Variants in ZNF771 observed in about 807,000 individuals in gnomAD.
The protein encoded by ZNF771 is mesenchymal stem cell protein DSC43.
Under a neutral mutation model 27.6 loss-of-function variants are expected in ZNF771, and 10 were observed. That is an observed-to-expected ratio of 0.36 (90% CI 0.22 to 0.61). ZNF771 has a LOEUF of 0.61. Ranked by LOEUF, ZNF771 falls within the 20% of genes least tolerant of loss-of-function variation. The pLI, the probability that ZNF771 is intolerant of heterozygous loss-of-function variation, is 0.70. For synonymous variants in ZNF771, 261 were observed against 225.2 expected (o/e 1.16, Z -1.43); for missense variants, 438 against 503.7 (o/e 0.87, Z 1.25).
At chr16:30,407,992 G>GGT (rs1772307789) in intron 1 of ZNF771, 53 bp from the exon 2 acceptor site, 3 of 908,980 alleles carry the variant, frequency 3.3e-6, no homozygotes, top group East Asian at 3.9e-5. Context: ...GTGGGCGGGG[G>GGT]GGGGGGTGGG....
intron 2 of ZNF771, chr16:30,414,475 A>T (rs1382047227): frequency 6.6e-6 from 1 of 152,170 alleles, no homozygotes; most frequent in Non-Finnish European, 1.5e-5. Context: ...TTTCTCAGCT[A>T]TCAAAAGAGA....
At chr16:30,410,540 T>G (rs1250141872) in intron 2 of ZNF771, among the ~76,000 whole-genome samples, 2 of 152,012 alleles carry the variant, frequency 1.3e-5, no homozygotes, top group Non-Finnish European at 2.9e-5. Context: ...ATTTTTGACT[T>G]GGGCCTTGAA....
At chr16:30,412,648 C>T (rs1053220474) in intron 2 of ZNF771, among the ~76,000 whole-genome samples, 4 of 152,070 alleles carry the variant, frequency 2.6e-5, no homozygotes, top group African/African-American at 9.7e-5. Flanking sequence ...AAAAATTAGC[C>T]GGGTGTGGTG....
chr16:30,416,099 A>G (rs2050132606), intron 2 of ZNF771, among the ~76,000 whole-genome samples: 1 of 152,112 alleles, frequency 6.6e-6, no homozygotes, highest in Non-Finnish European at 1.5e-5. Flanking sequence ...TTAAAAAATG[A>G]TAGGTGTTTG....
chr16:30,414,753 C>T (rs1436208197), intron 2 of ZNF771: 1 of 151,430 alleles, frequency 6.6e-6, no homozygotes, highest in African/African-American at 2.4e-5. Context: ...ATGTCATTCT[C>T]CTGCCTCAGC....
intron 2 of ZNF771, among the ~76,000 whole-genome samples, chr16:30,413,269 AAT>A (rs1407078255): frequency 6.6e-6 from 1 of 152,208 alleles, no homozygotes; most frequent in African/African-American, 2.4e-5. Context: ...ATAGTTGTAG[AAT>A]TTAAGACATG....
rs576672263 is a variant in ZNF771 at position 30,411,220 on chromosome 16, G to A, written c.141+3026G>A. Among the ~76,000 whole-genome samples, 8 of 151,888 alleles carry A rather than the reference G, an allele frequency of 5.3e-5. No homozygotes were observed. In the East Asian group the frequency reaches 1.5e-3, roughly 29 times the overall value. ...TGCAATCCCAGCTACTTGGGAGGCT[G>A]AGGCAGGAGAATCGCTTGAATCTGG... is the stretch of plus-strand genomic sequence containing the variant. On this transcript the variant is annotated intron_variant, in intron 2 of 2. Coordinates refer to ENST00000319296, the MANE Select transcript of ZNF771 (RefSeq NM_001142305.2).
rs779323031 is a variant in ZNF771, at chr16:30,418,328, C to T, written c.915C>T (p.Ala305=). 1.0e-5 allele frequency: 15 copies of T among 1,472,566 alleles called. No homozygotes were observed. The highest frequency in any genetic ancestry group is 1.3e-5 in the Non-Finnish European group (15 of 1,115,220). The allele number at this position is 1,472,566 out of a possible 1,614,324, so 91.2% of individuals were successfully genotyped here. The change falls in exon 3 of 3, where the codon GCC becomes GCT. Residue 305 remains alanine (A), a synonymous_variant. Transcript: ENST00000319296. ...AGCTGCCCCCTGGCGCCACGGCCGC[C>T]ACTGCCACCGAGCGTTGCCCGGAGT... The part of the protein sequence containing the change: ...DFKLPPGATA[A]TATERCPECE...
chr16:30,416,509 A>G (rs1488466750), intron 2 of ZNF771, among the ~76,000 whole-genome samples: 1 of 152,068 alleles, frequency 6.6e-6, no homozygotes, highest in Non-Finnish European at 1.5e-5. Flanking sequence ...CTCTTATTAA[A>G]TCTATTGTCT....
At chr16:30,412,675 C>T (rs114923625) in intron 2 of ZNF771, among the ~76,000 whole-genome samples, 64 of 152,220 alleles carry the variant, frequency 4.2e-4, no homozygotes, top group African/African-American at 1.5e-3. Context: ...CCCTGTAGCG[C>T]CAGCTATTTG....
At chr16:30,411,573 C>G (rs915580193) in intron 2 of ZNF771, among the ~76,000 whole-genome samples, 1 of 152,140 alleles carries the variant, frequency 6.6e-6, no homozygotes, top group Non-Finnish European at 1.5e-5. Context: ...CCACCGTTTA[C>G]CAGCTTTTCT....
chr16:30,418,904 A>T lies in ZNF771; in HGVS notation c.*537A>T, dbSNP rs556793437. On this transcript the variant is annotated 3_prime_UTR_variant, in exon 3 of 3. Transcript: ENST00000319296. ...GTCTAGTGAAGGAGAGAAAACTGTA[A>T]TAACACTACGTTAAAGGTTTTAACT... 1 of 153,810 alleles carries T rather than the reference A, an allele frequency of 6.5e-6. No individual in the cohort carries two copies. The highest frequency in any genetic ancestry group is 2.4e-5 in the African/African-American group (1 of 41,524). The allele number at this position is 153,810 out of a possible 1,614,324, so 9.5% of individuals were successfully genotyped here.
intron 2 of ZNF771, among the ~76,000 whole-genome samples, chr16:30,410,857 A>C (rs12935014): frequency 5.8e-5 from 5 of 86,704 alleles, no homozygotes; most frequent in Admixed American, 2.2e-4. Flanking sequence ...TCATCTCTAC[A>C]AAAAAAAAAA....
Position 30,418,594 on chromosome 16 carries a change from C to T in ZNF771, c.*227C>T, listed in dbSNP as rs2050151668. ...GTTAGTGAATAAAGTATTATATCCTCACCCCACCCGTGCCTGTGAGTGAGG... is the reference window on the plus strand; with the variant it reads ...GTTAGTGAATAAAGTATTATATCCTTACCCCACCCGTGCCTGTGAGTGAGG... On this transcript the variant is annotated 3_prime_UTR_variant, in exon 3 of 3. Transcript: ENST00000319296. The T allele has an allele frequency of 4.6e-6, 2 of 433,896 alleles. No individual in the cohort carries two copies. Among genetic ancestry groups the T allele is most frequent in the Non-Finnish European group, 8.0e-6 (2 of 251,540 alleles). 26.9% of individuals were successfully genotyped at this position (433,896 alleles called of 1,614,324 possible).
intron 2 of ZNF771, among the ~76,000 whole-genome samples, chr16:30,415,205 A>G (rs1305104524): frequency 6.7e-6 from 1 of 150,300 alleles, no homozygotes; most frequent in Non-Finnish European, 1.5e-5. Context: ...TGATCCGCCC[A>G]CCTCGATCTC....
chr16:30,410,055 C>T (rs548428528), intron 2 of ZNF771, among the ~76,000 whole-genome samples: 74 of 152,256 alleles, frequency 4.9e-4, no homozygotes, highest in African/African-American at 1.8e-3. Flanking sequence ...TTATTCTTCT[C>T]CCCAAAGCTC....
Position 30,407,667 on chromosome 16 carries a change from G to A in ZNF771, c.-10+3G>A, listed in dbSNP as rs1464813860. ...CGCGAGTGCCGAACCTTCGGCTGGT[G>A]AGTGCGCACCCCCTCCCCGGGGTTT... On this transcript the variant is annotated splice_donor_region_variant and intron_variant, in intron 1 of 2. Coordinates refer to ENST00000319296, the MANE Select transcript of ZNF771 (RefSeq NM_001142305.2). 2 of 163,810 alleles carry A rather than the reference G, an allele frequency of 1.2e-5. No homozygotes were observed. Among genetic ancestry groups the A allele is most frequent in the South Asian group, 1.6e-4 (1 of 6,162 alleles). The allele number at this position is 163,810 out of a possible 1,614,324, so 10.1% of individuals were successfully genotyped here.
At position 30,417,563 on chromosome 16, in the gene ZNF771, C is replaced by A. The variant is rs1190586623; in HGVS notation, c.150C>A (p.Gly50=). The A allele has an allele frequency of 4.9e-6, 6 of 1,220,820 alleles. No individual in the cohort carries two copies. Among genetic ancestry groups the A allele is most frequent in the Non-Finnish European group, 6.1e-6 (6 of 982,582 alleles). 75.6% of individuals were successfully genotyped at this position (1,220,820 alleles called of 1,614,324 possible). Residue 50 remains glycine (G), a synonymous_variant, in exon 3 of 3, where the codon GGC becomes GGA. Coordinates refer to ENST00000319296, the MANE Select transcript of ZNF771 (RefSeq NM_001142305.2). ...KIPMDNKEVP[G]EAPAPSADPA... ...TCCCCCTCTCCCCGCAGGTCCCGGG[C>A]GAGGCGCCCGCGCCGTCCGCCGACC...
At chr16:30,410,469 G>A (rs2050097909) in intron 2 of ZNF771, among the ~76,000 whole-genome samples, 2 of 152,184 alleles carry the variant, frequency 1.3e-5, no homozygotes, top group East Asian at 1.9e-4. Context: ...GTGAATGTGG[G>A]GGCACAGAGG....
Sources: allele counts gnomAD v4.1 joint callset (sites outside exome capture counted in the v4.1 genomes callset), GRCh38; gene constraint gnomAD v4.1.1; transcripts MANE v1.5; gene names NCBI Gene and HGNC (gene_info 2026-07-23, HGNC 2026-07-21).